Variants in PCDHGB3 observed in about 807,000 individuals in gnomAD.
The protein encoded by PCDHGB3 is protocadherin gamma-B3.
A neutral mutation model predicts 59.2 loss-of-function variants in PCDHGB3; 40 were observed. That is an observed-to-expected ratio of 0.68 (90% CI 0.52 to 0.88). PCDHGB3 has a LOEUF of 0.88. PCDHGB3 is among the 40% of genes least tolerant of loss of function. The probability of loss-of-function intolerance (pLI) is 0.00; values close to 1 mark genes in which losing one functional copy is unlikely to be tolerated. For missense variants in PCDHGB3, 1,309 were observed against 1,187.9 expected (o/e 1.10, Z -1.50); for synonymous variants, 581 against 503.6 (o/e 1.15, Z -2.06).
intron 1 of PCDHGB3, chr5:141,393,118 G>A: frequency 3.7e-6 from 6 of 1,613,472 alleles, no homozygotes; most frequent in Non-Finnish European, 5.1e-6. Flanking sequence ...AGCCCGCGGT[G>A]TCTGATAAAT....
intron 1 of PCDHGB3, chr5:141,424,481 G>A (rs1397559058): frequency 6.6e-6 from 1 of 152,056 alleles, no homozygotes; most frequent in Non-Finnish European, 1.5e-5. Flanking sequence ...TTACTTTGGT[G>A]TCTGTGTTTG....
intron 1 of PCDHGB3, chr5:141,375,538 C>T: frequency 6.2e-7 from 1 of 1,614,018 alleles, no homozygotes; most frequent in Non-Finnish European, 8.5e-7. Context: ...ACCAGAACGC[C>T]CAAGTCTCCT....
At chr5:141,419,146 G>A in intron 1 of PCDHGB3, 1 of 1,613,922 alleles carries the variant, frequency 6.2e-7, no homozygotes, top group Non-Finnish European at 8.5e-7. Context: ...ACAGGGGCAA[G>A]CCTCCGTTAT....
chr5:141,381,889 G>A (rs1385598954), intron 1 of PCDHGB3, among the ~76,000 whole-genome samples: 2 of 132,634 alleles, frequency 1.5e-5, no homozygotes, highest in Non-Finnish European at 3.1e-5. Context: ...GAGTGCAATG[G>A]TGTGATCTCG....
At chr5:141,441,852 G>A in intron 1 of PCDHGB3, 1 of 352,826 alleles carries the variant, frequency 2.8e-6, no homozygotes, top group South Asian at 2.4e-5. Flanking sequence ...TGGATATGGT[G>A]CTGCACGCCG....
In PCDHGB3 at chr5:141,490,072, G is replaced by A; in HGVS notation, c.2416-4735G>A. On this transcript the variant is annotated intron_variant, in intron 1 of 3. Transcript: ENST00000576222. This position sits in a 1 kb window ranked among gnomAD's most constrained non-coding sequence, Gnocchi z 5.4. ...AGACGAGGGCACCAACGGCCAACTA[G>A]ACTATTCTTTTGGAGACCACACATC... is the stretch of plus-strand genomic sequence containing the variant. The A allele has an allele frequency of 6.2e-7, 1 of 1,614,254 alleles. No homozygotes were observed. The highest frequency in any genetic ancestry group is 8.5e-7 in the Non-Finnish European group (1 of 1,180,042).
At chr5:141,463,725 C>T (rs1259646105) in intron 1 of PCDHGB3, among the ~76,000 whole-genome samples, 2 of 152,026 alleles carry the variant, frequency 1.3e-5, no homozygotes, top group Non-Finnish European at 1.5e-5. Context: ...GGATTACAGG[C>T]ATGAGCCACC....
chr5:141,463,086 GC>G (rs1171354311), intron 1 of PCDHGB3, among the ~76,000 whole-genome samples: 1 of 152,098 alleles, frequency 6.6e-6, no homozygotes, highest in African/African-American at 2.4e-5. Context: ...ACATTTTCCA[GC>G]CCTATGTGAC....
Position 141,375,459 on chromosome 5 carries a change from T to A in PCDHGB3, c.2415+2650T>A, listed in dbSNP as rs775895246. The A allele has an allele frequency of 1.9e-6, 3 of 1,613,896 alleles. No homozygotes were observed. The highest frequency in any genetic ancestry group is 3.3e-5 in the Admixed American group (2 of 60,016). On this transcript the variant is annotated intron_variant, in intron 1 of 3. Coordinates refer to ENST00000576222, the MANE Select transcript of PCDHGB3 (RefSeq NM_018924.5). ...ACCTTCCCCCATTCATCCTACTCAG[T>A]CTATGTCCTTGAAAACAACCCCAGG... is the stretch of plus-strand genomic sequence containing the variant.
intron 1 of PCDHGB3, chr5:141,398,887 A>T: frequency 6.2e-7 from 1 of 1,613,976 alleles, no homozygotes; most frequent in Non-Finnish European, 8.5e-7. Context: ...CCTTCGGGAA[A>T]ACGTGCCACC....
At chr5:141,433,289 G>C in intron 1 of PCDHGB3, 1 of 1,130,682 alleles carries the variant, frequency 8.8e-7, no homozygotes, top group Non-Finnish European at 1.3e-6. Context: ...AAACTCCTAG[G>C]CTCAAGCAAT....
intron 1 of PCDHGB3, chr5:141,422,520 G>A (rs759529752): frequency 1.9e-6 from 3 of 1,613,946 alleles, no homozygotes; most frequent in South Asian, 2.2e-5. Flanking sequence ...AGGGAAGCCC[G>A]CCTTTGTCTG....
chr5:141,416,745 C>T (rs186830862), intron 1 of PCDHGB3: 5 of 152,194 alleles, frequency 3.3e-5, no homozygotes, highest in South Asian at 2.1e-4. Flanking sequence ...AAAATAGTGA[C>T]GTATTAGGTA....
intron 2 of PCDHGB3, among the ~76,000 whole-genome samples, chr5:141,501,184 C>T (rs1209222790): frequency 6.6e-6 from 1 of 152,002 alleles, no homozygotes; most frequent in Non-Finnish European, 1.5e-5. Context: ...CATTTTAACA[C>T]AATTAAATTC....
rs2092610841 is a variant in PCDHGB3 at position 141,392,842 on chromosome 5, G to C, written c.2415+20033G>C. 6.2e-7 allele frequency: 1 copy of C among 1,609,194 alleles called. No homozygotes were observed. The highest frequency in any genetic ancestry group is 8.5e-7 in the Non-Finnish European group (1 of 1,177,812). On this transcript the variant is annotated intron_variant, in intron 1 of 3. Transcript: ENST00000576222. ...GCCGCTCCACAGAGTCGCCCCAGACGCGGCGAGCTGATCCTGCTGTGCGCG... is the reference window on the plus strand; with the variant it reads ...GCCGCTCCACAGAGTCGCCCCAGACCCGGCGAGCTGATCCTGCTGTGCGCG...
chr5:141,461,506 AT>A (rs1406680307), intron 1 of PCDHGB3, among the ~76,000 whole-genome samples: 2 of 151,524 alleles, frequency 1.3e-5, no homozygotes, highest in Non-Finnish European at 1.5e-5. Context: ...TTTCTTGGTG[AT>A]TTGTTAGTTC....
chr5:141,413,075 AG>A (rs1225722826), intron 1 of PCDHGB3: 11 of 1,246,492 alleles, frequency 8.8e-6, no homozygotes, highest in Non-Finnish European at 1.1e-5. Context: ...TAAAGTGCCC[AG>A]GCTACAGAGA....
chr5:141,468,528 G>A (rs2154569956), intron 1 of PCDHGB3: 1 of 152,056 alleles, frequency 6.6e-6, no homozygotes, highest in South Asian at 2.1e-4. Context: ...TTTTTTGCAG[G>A]TAGTTTCCTG....
intron 1 of PCDHGB3, chr5:141,419,481 C>A (rs2096389716): frequency 2.5e-6 from 4 of 1,612,424 alleles, no homozygotes; most frequent in Non-Finnish European, 3.4e-6. Context: ...GGCTCGCCCG[C>A]GCTCAGCGCC....
Sources: allele counts gnomAD v4.1 joint callset (sites outside exome capture counted in the v4.1 genomes callset), GRCh38; gene constraint gnomAD v4.1.1; non-coding constraint Gnocchi (gnomAD v3.1); transcripts MANE v1.5; gene names NCBI Gene and HGNC (gene_info 2026-07-23, HGNC 2026-07-21).